Variants in TRPM6 observed in about 807,000 individuals in gnomAD.
TRPM6 encodes transient receptor potential cation channel subfamily M member 6.
In TRPM6, 111 loss-of-function variants were observed where a neutral mutation model predicts 247.6. That is an observed-to-expected ratio of 0.45 (90% CI 0.38 to 0.52). The LOEUF (loss-of-function observed/expected upper bound fraction) is 0.52. TRPM6 is among the 20% of genes least tolerant of loss of function. The pLI is 0.00. For missense variants in TRPM6, 2,126 were observed against 2,421.5 expected (o/e 0.88, Z 2.56); for synonymous variants, 892 against 853.8 (o/e 1.04, Z -0.78).
chr9:74,812,583 A>C (rs1417678226), intron 11 of TRPM6, 150 bp from the exon 12 acceptor site: 1 of 773,294 alleles, frequency 1.3e-6, no homozygotes, highest in East Asian at 2.7e-5. Flanking sequence ...AAAAAAAAGG[A>C]AAAAATTTAA....
chr9:74,883,618 C>G (rs563227099), intron 1 of TRPM6, among the ~76,000 whole-genome samples: 47 of 152,240 alleles, frequency 3.1e-4, no homozygotes, highest in Non-Finnish European at 6.0e-4. Flanking sequence ...CAAGAAGGCA[C>G]TAATGTGTAT....
At chr9:74,887,149 GC>G in intron 1 of TRPM6, 1 of 856,346 alleles carries the variant, frequency 1.2e-6, no homozygotes. Flanking sequence ...GTGGAGAGGA[GC>G]CAGCGGGGAC....
At chr9:74,754,192 T>C (rs1430750431) in intron 28 of TRPM6, among the ~76,000 whole-genome samples, 2 of 152,052 alleles carry the variant, frequency 1.3e-5, no homozygotes, top group Admixed American at 6.6e-5. Context: ...CTCTAGTAAA[T>C]GGTATGATTA....
At chr9:74,794,696 A>T (rs1419853671) in intron 18 of TRPM6, among the ~76,000 whole-genome samples, 1 of 152,102 alleles carries the variant, frequency 6.6e-6, no homozygotes, top group Non-Finnish European at 1.5e-5. Context: ...TTTGGAGTGA[A>T]TTATAAAGTG....
chr9:74,755,550 T>C (rs1468894756), intron 27 of TRPM6, 77 bp from the exon 28 acceptor site: 3 of 1,573,446 alleles, frequency 1.9e-6, no homozygotes, highest in African/African-American at 1.3e-5. Context: ...AGAAGCACCA[T>C]GGTGAAGGGC....
chr9:74,882,383 A>G (rs1831389682), intron 1 of TRPM6, among the ~76,000 whole-genome samples: 1 of 152,194 alleles, frequency 6.6e-6, no homozygotes, highest in Non-Finnish European at 1.5e-5. Context: ...TATCCAGAAT[A>G]TTAAAAGAAC....
chr9:74,732,071 C>T (rs942250712), intron 37 of TRPM6, among the ~76,000 whole-genome samples: 1 of 152,112 alleles, frequency 6.6e-6, no homozygotes, highest in Non-Finnish European at 1.5e-5. Flanking sequence ...CCTTTACTGC[C>T]AAGTCTTCCC....
At chr9:74,736,942 G>C (rs922734867) in intron 36 of TRPM6, among the ~76,000 whole-genome samples, 1 of 151,950 alleles carries the variant, frequency 6.6e-6, no homozygotes, top group Non-Finnish European at 1.5e-5. Context: ...ATTCCTTAAA[G>C]TTTTTCTTTC....
intron 23 of TRPM6, among the ~76,000 whole-genome samples, chr9:74,779,959 G>A (rs1488109624): frequency 6.6e-6 from 1 of 151,646 alleles, no homozygotes; most frequent in Non-Finnish European, 1.5e-5. Flanking sequence ...GGATCACAAG[G>A]TCAGGAGTTC....
intron 1 of TRPM6, among the ~76,000 whole-genome samples, chr9:74,859,789 AG>A (rs1830642255): frequency 6.6e-6 from 1 of 151,722 alleles, no homozygotes; most frequent in Non-Finnish European, 1.5e-5. Context: ...AAAAAAAAAA[AG>A]AATATGTGTC....
In TRPM6 at chr9:74,775,546, G is replaced by A. The variant is rs149746251; in HGVS notation, c.3403+337C>T. ...TTCCACAACAAGGAGAACAGTACAC[G>A]TCACATGACCACTCTCTAGGAGTTA... On this transcript the variant is annotated intron_variant, in intron 24 of 38. Coordinates refer to ENST00000360774, the MANE Select transcript of TRPM6 (RefSeq NM_017662.5). 4.3e-3 allele frequency among the ~76,000 whole-genome samples: 653 copies of A among 152,158 alleles called. 4 individuals carry two copies. Among genetic ancestry groups the A allele is most frequent in the African/African-American group, 0.015 (625 of 41,510 alleles).
intron 36 of TRPM6, among the ~76,000 whole-genome samples, chr9:74,736,821 T>C (rs1279069707): frequency 6.6e-6 from 1 of 152,250 alleles, no homozygotes; most frequent in African/African-American, 2.4e-5. Context: ...GCATTTGTTC[T>C]GTTTAATGTT....
intron 5 of TRPM6, among the ~76,000 whole-genome samples, chr9:74,836,608 G>C (rs1829730682): frequency 6.6e-6 from 1 of 152,166 alleles, no homozygotes; most frequent in South Asian, 2.1e-4. Flanking sequence ...ATCGTTGTTT[G>C]AGACTCTCCG....
At chr9:74,725,432 T>C (rs1587441423) in intron 38 of TRPM6, among the ~76,000 whole-genome samples, 2 of 152,306 alleles carry the variant, frequency 1.3e-5, no homozygotes, top group East Asian at 1.9e-4. Flanking sequence ...ATATTAATAA[T>C]AAAACAATCA....
At chr9:74,808,934 A>T (rs1564024648) in intron 13 of TRPM6, among the ~76,000 whole-genome samples, 1 of 152,124 alleles carries the variant, frequency 6.6e-6, no homozygotes, top group Non-Finnish European at 1.5e-5. Context: ...TCTATAATCC[A>T]CTTTGCCTAT....
intron 27 of TRPM6, among the ~76,000 whole-genome samples, chr9:74,756,681 C>CAAAAGAAAAA (rs1826438801): frequency 1.9e-5 from 1 of 51,774 alleles, no homozygotes; most frequent in Non-Finnish European, 4.1e-5. Context: ...CCCGTCTCTA[C>CAAAAGAAAAA]AAAAAAAAAA....
rs186398201 is a variant in TRPM6 at position 74,864,749 on chromosome 9, A to G, written c.34-6001T>C. Among the ~76,000 whole-genome samples, 323 of 152,306 alleles carry G rather than the reference A, an allele frequency of 2.1e-3. 4 individuals carry two copies. The highest frequency in any genetic ancestry group is 7.4e-3 in the African/African-American group (308 of 41,568). On this transcript the variant is annotated intron_variant, in intron 1 of 38. Coordinates refer to ENST00000360774, the MANE Select transcript of TRPM6 (RefSeq NM_017662.5). ...TGAGAAATTTTACTAACATTTTCAC[A>G]TAGTGCTTTGCTAAGCAAAGGCATT...
chr9:74,785,601 C>T (rs1274386429), intron 21 of TRPM6, among the ~76,000 whole-genome samples: 1 of 152,124 alleles, frequency 6.6e-6, no homozygotes. Context: ...CGGCTCACTG[C>T]AAGCTCCGCC....
In TRPM6 at chr9:74,781,445, A is replaced by G. The variant is rs1827442333; in HGVS notation, c.3209+917T>C. ...CATCTACTTGGGAGGCTGAGGCAGGAGAATTGCTTGAACCCAGGAGGCAGA... is the reference window on the plus strand; with the variant it reads ...CATCTACTTGGGAGGCTGAGGCAGGGGAATTGCTTGAACCCAGGAGGCAGA... On this transcript the variant is annotated intron_variant, in intron 23 of 38. Transcript: ENST00000360774. Among the ~76,000 whole-genome samples the G allele has an allele frequency of 2.0e-5, 3 of 147,936 alleles. No homozygotes were observed. In the South Asian group the frequency reaches 6.7e-4, roughly 33 times the overall value.
Sources: gnomAD v4.1 joint callset for allele counts (sites outside exome capture counted in the v4.1 genomes callset) on GRCh38, gnomAD v4.1.1 for gene constraint, MANE v1.5 for transcripts, NCBI Gene and HGNC (gene_info 2026-07-23, HGNC 2026-07-21) for gene names.